The following GABBR2 variants were observed in gnomAD, a reference collection of about 807,000 sequenced individuals.
GABBR2 encodes G-protein coupled receptor 51.
Under a neutral mutation model 105.6 loss-of-function variants are expected in GABBR2, and 23 were observed. The observed-to-expected ratio is 0.22, with a 90% CI of 0.16 to 0.31. The LOEUF is 0.31. GABBR2 is among the 10% of genes least tolerant of loss of function. The pLI is 1.00. For missense variants in GABBR2, 734 were observed against 1,245.5 expected, an observed-to-expected ratio of 0.59 and a Z score of 6.18; for synonymous variants, 478 against 499.7, an observed-to-expected ratio of 0.96 and a Z score of 0.58.
At chr9:98,346,460 T>C (rs1485974032) in intron 13 of GABBR2, among the ~76,000 whole-genome samples, 1 of 152,208 alleles carries the variant, frequency 6.6e-6, no homozygotes, top group Non-Finnish European at 1.5e-5. Flanking sequence ...CATGTAATAA[T>C]TGTACATATT....
intron 2 of GABBR2, among the ~76,000 whole-genome samples, chr9:98,549,459 C>G (rs940080787): frequency 6.6e-6 from 1 of 152,218 alleles, no homozygotes; most frequent in African/African-American, 2.4e-5. Context: ...TTTAGTCTGA[C>G]TTAACCAAAT....
At position 98,607,281 on chromosome 9, in the gene GABBR2, C is replaced by T. The variant is rs541931662; in HGVS notation, c.322-29209G>A. On this transcript the variant is annotated intron_variant, in intron 1 of 18. Transcript: ENST00000259455. ...AAATGCAGAATCGCATGTGAACGGA[C>T]GTCAGATGCCTGATAACGGTGTAGC... 72 of 941,356 alleles carry T rather than the reference C, an allele frequency of 7.6e-5. No homozygotes were observed. The Middle Eastern group carries it at 9.5e-4, about 12-fold the overall frequency. The allele number at this position is 941,356 out of a possible 1,614,324, so 58.3% of individuals were successfully genotyped here.
intron 1 of GABBR2, among the ~76,000 whole-genome samples, chr9:98,694,152 G>A (rs1451542021): frequency 1.3e-5 from 2 of 152,244 alleles, no homozygotes; most frequent in African/African-American, 4.8e-5. Context: ...GGGCTGCAGT[G>A]GACTGGCCCA....
At chr9:98,500,742 C>G (rs1827381692) in intron 3 of GABBR2, among the ~76,000 whole-genome samples, 1 of 152,206 alleles carries the variant, frequency 6.6e-6, no homozygotes, top group Non-Finnish European at 1.5e-5. Context: ...GCTACAAGAA[C>G]TGGTGTGGCC....
chr9:98,411,905 C>T (rs1053107805), intron 7 of GABBR2, among the ~76,000 whole-genome samples: 1 of 152,148 alleles, frequency 6.6e-6, no homozygotes, highest in African/African-American at 2.4e-5. Context: ...GTTCAGAATC[C>T]TCAGAAAAGT....
chr9:98,700,442 C>T (rs1183957503), intron 1 of GABBR2, among the ~76,000 whole-genome samples: 1 of 152,186 alleles, frequency 6.6e-6, no homozygotes, highest in Non-Finnish European at 1.5e-5. Flanking sequence ...GAGCCTGGCT[C>T]ATTGGGTCTG....
chr9:98,493,963 T>C (rs1053327427), intron 4 of GABBR2, among the ~76,000 whole-genome samples: 6 of 152,174 alleles, frequency 3.9e-5, no homozygotes, highest in Non-Finnish European at 8.8e-5. Flanking sequence ...GTCCAGATAT[T>C]GTTAGAGGTA....
Position 98,425,422 on chromosome 9 carries a change from A to T in GABBR2, c.1237-19281T>A, listed in dbSNP as rs990332370. Among the ~76,000 whole-genome samples, 5 of 152,298 alleles carry T rather than the reference A, an allele frequency of 3.3e-5. No individual in the cohort carries two copies. The East Asian group carries it at 9.6e-4, about 29-fold the overall frequency. On this transcript the variant is annotated intron_variant, in intron 7 of 18. Coordinates refer to ENST00000259455, the MANE Select transcript of GABBR2 (RefSeq NM_005458.8). ...TTGAGGAGGTCTGTGCTTGGTACAC[A>T]TGTGTTTGTTCATTCAATTAGTCAT...
chr9:98,465,121 T>TAAAAAAAAAAAAAAAAAAAAAAA (rs57747633), intron 6 of GABBR2, among the ~76,000 whole-genome samples: 5 of 22,002 alleles, frequency 2.3e-4, no homozygotes, highest in Admixed American at 7.4e-4. Flanking sequence ...CAATAAATAC[T>TAAAAAAAAAAAAAAAAAAAAAAA]AAAAAAAAAA....
chr9:98,510,319 C>T (rs1420344728), intron 3 of GABBR2, among the ~76,000 whole-genome samples: 2 of 152,230 alleles, frequency 1.3e-5, no homozygotes, highest in South Asian at 4.1e-4. Flanking sequence ...CAAAAACATG[C>T]CAAATTGTAA....
intron 1 of GABBR2, among the ~76,000 whole-genome samples, chr9:98,683,212 A>G (rs909727353): frequency 3.3e-5 from 5 of 151,836 alleles, no homozygotes; most frequent in African/African-American, 4.8e-5. Flanking sequence ...TCCTGTCTCA[A>G]CCTCCCAAGT....
intron 3 of GABBR2, among the ~76,000 whole-genome samples, chr9:98,528,027 G>C (rs1827994075): frequency 6.6e-6 from 1 of 152,140 alleles, no homozygotes; most frequent in Non-Finnish European, 1.5e-5. Context: ...ATGTTGAAAT[G>C]ATAGCATTTT....
chr9:98,418,939 T>C (rs1318643054), intron 7 of GABBR2, among the ~76,000 whole-genome samples: 2 of 152,258 alleles, frequency 1.3e-5, no homozygotes, highest in Non-Finnish European at 2.9e-5. Context: ...CGATTAGAAG[T>C]ATTTGATTTT....
At chr9:98,462,709 G>C (rs1280643693) in intron 6 of GABBR2, among the ~76,000 whole-genome samples, 3 of 152,296 alleles carry the variant, frequency 2.0e-5, no homozygotes, top group Middle Eastern at 3.4e-3. Flanking sequence ...TTGCGGATGT[G>C]TAAATTGGTA....
rs550551262 is a variant in GABBR2, at chr9:98,588,132, A to G, written c.322-10060T>C. On this transcript the variant is annotated intron_variant, in intron 1 of 18. Transcript: ENST00000259455. The stretch of plus-strand genomic sequence containing the variant: ...TTTCCACACCCAGGGTGCTTTCTCA[A>G]TCACTGAAGTTTCCCTCTTTCTGTT... 9.2e-5 allele frequency among the ~76,000 whole-genome samples: 14 copies of G among 152,336 alleles called. No homozygotes were observed. In the East Asian group the frequency reaches 2.3e-3, roughly 25 times the overall value.
Position 98,436,392 on chromosome 9 carries a change from T to G in GABBR2, c.1236+17589A>C, listed in dbSNP as rs867650078. On this transcript the variant is annotated intron_variant, in intron 7 of 18. Transcript: ENST00000259455. ...ATATATATATATATATATATATATA[T>G]ATATATATATATATAGTATGGCGTT... 4.7e-3 allele frequency among the ~76,000 whole-genome samples: 226 copies of G among 48,536 alleles called. 18 individuals carry two copies. Among genetic ancestry groups the G allele is most frequent in the African/African-American group, 0.017 (214 of 12,418 alleles). The allele number at this position is 48,536 out of a possible 152,430, so 31.8% of individuals were successfully genotyped here.
At chr9:98,650,232 T>C (rs375847525) in intron 1 of GABBR2, among the ~76,000 whole-genome samples, 1 of 152,326 alleles carries the variant, frequency 6.6e-6, no homozygotes, top group African/African-American at 2.4e-5. Context: ...CAGTGTGGAA[T>C]AATTGAGCCA....
intron 12 of GABBR2, among the ~76,000 whole-genome samples, chr9:98,364,776 T>C (rs1022794668): frequency 2.6e-5 from 4 of 152,090 alleles, no homozygotes; most frequent in Non-Finnish European, 5.9e-5. Context: ...AATTTCTGTA[T>C]TTTTAGGAGA....
At chr9:98,524,182 A>G (rs1330171367) in intron 3 of GABBR2, among the ~76,000 whole-genome samples, 1 of 152,232 alleles carries the variant, frequency 6.6e-6, no homozygotes, top group African/African-American at 2.4e-5. Flanking sequence ...AGACTGAAAA[A>G]TGTAAAATCC....
Sources: allele counts gnomAD v4.1 joint callset (sites outside exome capture counted in the v4.1 genomes callset), GRCh38; gene constraint gnomAD v4.1.1; transcripts MANE v1.5; gene names NCBI Gene and HGNC (gene_info 2026-07-23, HGNC 2026-07-21).